FARP2: variants seen among roughly 807,000 people sequenced by gnomAD.
The protein encoded by FARP2 is FERM, ARHGEF and pleckstrin domain-containing protein 2.
In FARP2, 111 loss-of-function variants were observed where a neutral mutation model predicts 130.5. That is an observed-to-expected ratio of 0.85 (90% CI 0.73 to 1.00). The LOEUF is 1.00. Among genes scored for constraint, FARP2 ranks in the 50% least tolerant of loss-of-function variants. The pLI is 0.00. For synonymous variants in FARP2, 504 were observed against 516.9 expected (o/e 0.98, Z 0.34); for missense variants, 1,385 against 1,346.3 (o/e 1.03, Z -0.45).
chr2:241,430,451 A>G (rs1032093336), intron 8 of FARP2, among the ~76,000 whole-genome samples: 1 of 152,118 alleles, frequency 6.6e-6, no homozygotes, highest in African/African-American at 2.4e-5. Context: ...TGCTACACAC[A>G]TGTACATATA....
chr2:241,413,971 A>G (rs923825555), intron 7 of FARP2, among the ~76,000 whole-genome samples: 5 of 150,788 alleles, frequency 3.3e-5, no homozygotes, highest in African/African-American at 9.7e-5. Flanking sequence ...TGGAAAAGAC[A>G]TCAGGGTCTG....
chr2:241,493,763 A>ATTTT (rs2065022625), intron 26 of FARP2: 1 of 469,304 alleles, frequency 2.1e-6, no homozygotes, highest in African/African-American at 2.0e-5. Context: ...CGCCTGGCTA[A>ATTTT]TTTTTGTATT....
At position 241,493,436 on chromosome 2, in the gene FARP2, AT is replaced by A. The variant is rs1488183001; in HGVS notation, c.3042del (p.Phe1014LeufsTer7). 6.2e-7 allele frequency: 1 copy of A among 1,613,758 alleles called. No individual in the cohort carries two copies. Among genetic ancestry groups the A allele is most frequent in the East Asian group, 2.2e-5 (1 of 44,882 alleles). ...YFFRAESKYT[F>X]ERWMEVIQGA... The stretch of plus-strand genomic sequence containing the variant: ...TCTTCCGGGCTGAGAGCAAGTACAC[AT>A]TTGAAAGGTAATTTTGCAGGAGGCA... On this transcript the variant is annotated frameshift_variant, in exon 26 of 27. Transcript: ENST00000264042. LOFTEE classifies it low-confidence loss of function (END_TRUNC).
At chr2:241,441,671 G>A (rs1307814014) in intron 13 of FARP2, 115 bp downstream of exon 13, 2 of 1,436,290 alleles carry the variant, frequency 1.4e-6, no homozygotes, top group South Asian at 1.2e-5. Flanking sequence ...AGCGCTGCTT[G>A]TAAAAATGAC....
intron 2 of FARP2, among the ~76,000 whole-genome samples, chr2:241,384,778 C>T (rs1198231571): frequency 2.0e-5 from 3 of 152,182 alleles, no homozygotes; most frequent in Admixed American, 6.5e-5. Context: ...ACAACTCAAA[C>T]ATGGCTTAAA....
At chr2:241,437,416 C>T (rs1379291867) in intron 12 of FARP2, among the ~76,000 whole-genome samples, 1 of 152,200 alleles carries the variant, frequency 6.6e-6, no homozygotes, top group Non-Finnish European at 1.5e-5. Context: ...CATTTTTATG[C>T]TGGCATGTTA....
intron 12 of FARP2, among the ~76,000 whole-genome samples, chr2:241,439,086 G>A (rs1377929212): frequency 1.3e-5 from 2 of 151,628 alleles, no homozygotes; most frequent in Non-Finnish European, 2.9e-5. Flanking sequence ...CATGATCACA[G>A]CTCGTTGCAG....
chr2:241,483,252 G>A lies in FARP2; in HGVS notation c.2263-213G>A, dbSNP rs872656. Among the ~76,000 whole-genome samples the A allele has an allele frequency of 6.0e-3, 918 of 152,368 alleles. 5 individuals are homozygous for A. Among genetic ancestry groups the A allele is most frequent in the Non-Finnish European group, 8.4e-3 (570 of 68,034 alleles). On this transcript the variant is annotated intron_variant, in intron 19 of 26. Transcript: ENST00000264042. ...GCAGGTGCTCAGTAGATGGTTTGAG[G>A]ACTGAATTTGTTGGCACCAAGACAG...
chr2:241,377,086 C>T (rs1052778877), intron 2 of FARP2, among the ~76,000 whole-genome samples: 21 of 152,094 alleles, frequency 1.4e-4, no homozygotes, highest in African/African-American at 5.1e-4. Flanking sequence ...TTGGGGTTTT[C>T]TGGCCATATG....
intron 20 of FARP2, chr2:241,484,015 C>G (rs2064691360): frequency 7.4e-7 from 1 of 1,343,982 alleles, no homozygotes; most frequent in East Asian, 3.1e-5. Context: ...GCTTCTCAGC[C>G]AAGCTAGCTG....
chr2:241,476,040 G>T, intron 19 of FARP2, 53 bp downstream of exon 19: 1 of 1,554,242 alleles, frequency 6.4e-7, no homozygotes, highest in Non-Finnish European at 8.8e-7. Flanking sequence ...TTTTTCAATT[G>T]AGATATAATT....
intron 17 of FARP2, among the ~76,000 whole-genome samples, chr2:241,464,714 TC>T (rs901788065): frequency 9.2e-5 from 14 of 151,880 alleles, no homozygotes; most frequent in African/African-American, 3.4e-4. Flanking sequence ...GAACAGGGTC[TC>T]CCTTGAAGCA....
rs147526830 is a variant in FARP2 at position 241,455,309 on chromosome 2, A to G, written c.1412-1438A>G. Among the ~76,000 whole-genome samples the G allele has an allele frequency of 2.0e-3, 305 of 152,348 alleles. 2 individuals are homozygous for G. The highest frequency in any genetic ancestry group is 6.5e-3 in the African/African-American group (272 of 41,580). Reference sequence around the variant, plus strand: ...CAACATTTGGTAAGCTGACTCAGCAATCATCGTTAGAAATCATGATAGTTT... The same window carrying G: ...CAACATTTGGTAAGCTGACTCAGCAGTCATCGTTAGAAATCATGATAGTTT... On this transcript the variant is annotated intron_variant, in intron 13 of 26. Transcript: ENST00000264042.
chr2:241,403,165 G>A (rs983101085), intron 2 of FARP2, among the ~76,000 whole-genome samples: 1 of 150,736 alleles, frequency 6.6e-6, no homozygotes, highest in Admixed American at 6.6e-5. Context: ...TTATTTACTG[G>A]GATCTTATAT....
chr2:241,472,561 G>T (rs943223567), intron 18 of FARP2, among the ~76,000 whole-genome samples: 2 of 151,752 alleles, frequency 1.3e-5, no homozygotes, highest in South Asian at 4.2e-4. Flanking sequence ...GTTCTGTGGG[G>T]AACCTGTTCT....
chr2:241,483,097 C>G (rs150259210), intron 19 of FARP2, among the ~76,000 whole-genome samples: 1 of 152,114 alleles, frequency 6.6e-6, no homozygotes, highest in Non-Finnish European at 1.5e-5. Context: ...CTGCTCCTGT[C>G]CAATGTTTTC....
At chr2:241,382,576 C>T (rs998207485) in intron 2 of FARP2, among the ~76,000 whole-genome samples, 1 of 152,190 alleles carries the variant, frequency 6.6e-6, no homozygotes, top group Non-Finnish European at 1.5e-5. Flanking sequence ...AGCCACCACA[C>T]CCAGTCTATA....
intron 2 of FARP2, among the ~76,000 whole-genome samples, chr2:241,382,418 G>A (rs1469584364): frequency 6.6e-6 from 1 of 151,446 alleles, no homozygotes; most frequent in African/African-American, 2.4e-5. Flanking sequence ...CAAGTAGCTG[G>A]GACTACAGAT....
intron 21 of FARP2, among the ~76,000 whole-genome samples, chr2:241,485,821 C>T (rs1358581939): frequency 6.6e-6 from 1 of 150,702 alleles, no homozygotes; most frequent in African/African-American, 2.4e-5. Context: ...CCAGTAGGGT[C>T]CTCCTTCCCT....
Sources: gnomAD v4.1 joint callset for allele counts (sites outside exome capture counted in the v4.1 genomes callset) on GRCh38, gnomAD v4.1.1 for gene constraint, MANE v1.5 for transcripts, NCBI Gene and HGNC (gene_info 2026-07-23, HGNC 2026-07-21) for gene names.